NF1: variants seen among roughly 807,000 people sequenced by gnomAD.
NF1 encodes the protein neurofibromin.
A neutral mutation model predicts 325.7 loss-of-function variants in NF1; 122 were observed. The ratio of observed to expected loss-of-function variants is 0.37; its 90% CI spans 0.32 to 0.44. The LOEUF (loss-of-function observed/expected upper bound fraction) is 0.44. NF1 is among the 20% of genes least tolerant of loss of function. The pLI is 1.00. For missense variants in NF1, 2,140 were observed against 3,415.4 expected (o/e 0.63, Z 9.31); for synonymous variants, 1,091 against 1,186.0 (o/e 0.92, Z 1.65).
intron 1 of NF1, among the ~76,000 whole-genome samples, chr17:31,120,336 G>A (rs936538223): frequency 2.7e-4 from 41 of 152,216 alleles, no homozygotes; most frequent in Admixed American, 2.5e-3. Context: ...TCCCTTGTAA[G>A]GTGTATTCCT....
chr17:31,164,725 T>C (rs1212345305), intron 4 of NF1, among the ~76,000 whole-genome samples: 1 of 152,182 alleles, frequency 6.6e-6, no homozygotes, highest in Non-Finnish European at 1.5e-5. Context: ...CTGCAATCTT[T>C]TTAATCAACA....
At chr17:31,176,255 G>A (rs966126969) in intron 5 of NF1, among the ~76,000 whole-genome samples, 1 of 152,136 alleles carries the variant, frequency 6.6e-6, no homozygotes, top group Non-Finnish European at 1.5e-5. Flanking sequence ...GTTTTGATTT[G>A]CATTTCTGTA....
intron 39 of NF1, among the ~76,000 whole-genome samples, chr17:31,333,935 T>C (rs1597838697): frequency 6.6e-6 from 1 of 152,338 alleles, no homozygotes; most frequent in East Asian, 1.9e-4. Flanking sequence ...CTTATAAATG[T>C]GAAGCTTTTT....
At chr17:31,318,138 A>C in intron 36 of NF1, 1 of 775,920 alleles carries the variant, frequency 1.3e-6, no homozygotes, top group Non-Finnish European at 2.0e-6. Context: ...CACAGTTTAA[A>C]TAATTAAGCA....
At chr17:31,167,557 C>G (rs1304977977) in intron 4 of NF1, among the ~76,000 whole-genome samples, 1 of 152,170 alleles carries the variant, frequency 6.6e-6, no homozygotes. Flanking sequence ...CACCATATCT[C>G]TATTGCTGCA....
At chr17:31,113,493 C>T (rs1913609727) in intron 1 of NF1, among the ~76,000 whole-genome samples, 1 of 151,988 alleles carries the variant, frequency 6.6e-6, no homozygotes, top group African/African-American at 2.4e-5. Context: ...GTCCTCTCGC[C>T]TCGGCTTCCC....
At chr17:31,266,362 C>A (rs2067788281) in intron 36 of NF1, among the ~76,000 whole-genome samples, 2 of 152,014 alleles carry the variant, frequency 1.3e-5, no homozygotes. Context: ...GCCTTAAGAC[C>A]AAGAAGTCCA....
intron 36 of NF1, among the ~76,000 whole-genome samples, chr17:31,280,050 C>T (rs2068086948): frequency 6.6e-6 from 1 of 152,110 alleles, no homozygotes; most frequent in African/African-American, 2.4e-5. Context: ...TTAAGTCTTA[C>T]TGATTCTGCT....
chr17:31,182,695 T>C (rs1032617608), intron 8 of NF1, 30 bp downstream of exon 8: 2 of 1,599,684 alleles, frequency 1.3e-6, no homozygotes, highest in Non-Finnish European at 1.7e-6. Context: ...TTCCATTATA[T>C]CTAGATGTGA....
intron 5 of NF1, among the ~76,000 whole-genome samples, chr17:31,175,368 T>G (rs1197693500): frequency 1.3e-5 from 1 of 76,200 alleles, no homozygotes; most frequent in African/African-American, 3.6e-5. Context: ...TTTTTTTTTT[T>G]GGACAGAGTC....
At chr17:31,236,961 C>A (rs1303040649) in intron 29 of NF1, among the ~76,000 whole-genome samples, 1 of 152,020 alleles carries the variant, frequency 6.6e-6, no homozygotes, top group Non-Finnish European at 1.5e-5. Flanking sequence ...ATGGTGTCTG[C>A]CTTATAGTGA....
intron 47 of NF1, among the ~76,000 whole-genome samples, chr17:31,340,888 C>G (rs2069806408): frequency 6.9e-6 from 1 of 143,960 alleles, no homozygotes; most frequent in South Asian, 2.2e-4. Context: ...TGGCCTAATA[C>G]TAGTAGAATT....
At chr17:31,279,734 C>T (rs199574864) in intron 36 of NF1, among the ~76,000 whole-genome samples, 1 of 152,128 alleles carries the variant, frequency 6.6e-6, no homozygotes, top group Non-Finnish European at 1.5e-5. Context: ...AGTAAAATCT[C>T]AGCCTCTTCA....
chr17:31,249,991 T>C (rs1597736143), intron 30 of NF1: 3 of 494,762 alleles, frequency 6.1e-6, no homozygotes, highest in South Asian at 4.6e-5. Context: ...GCACACGGCT[T>C]CAGTTGCTTA....
Position 31,201,501 on chromosome 17 carries a change from A to G in NF1, c.1260+16A>G, listed in dbSNP as rs2066529931. 5.0e-6 allele frequency: 8 copies of G among 1,587,534 alleles called. No individual in the cohort carries two copies. The highest frequency in any genetic ancestry group is 6.9e-6 in the Non-Finnish European group (8 of 1,159,302). The stretch of plus-strand genomic sequence containing the variant: ...CATCACCAATGTAAGTCCAAAAGGT[A>G]TTGCTAAATTACTAAAAAAATTTTT... On this transcript the variant is annotated intron_variant, in intron 11 of 57. Coordinates refer to ENST00000358273, the MANE Select transcript of NF1 (RefSeq NM_001042492.3).
chr17:31,308,294 C>T (rs1019593040), intron 36 of NF1, among the ~76,000 whole-genome samples: 2 of 151,976 alleles, frequency 1.3e-5, no homozygotes, highest in Admixed American at 6.6e-5. Context: ...GCATACACTA[C>T]CACACCTGGC....
intron 1 of NF1, among the ~76,000 whole-genome samples, chr17:31,115,346 G>A (rs534510243): frequency 1.2e-4 from 18 of 152,254 alleles, no homozygotes; most frequent in African/African-American, 4.1e-4. Context: ...TGGAGGCAGT[G>A]GTCATGAGGT....
rs552994355 is a variant in NF1 at position 31,303,059 on chromosome 17, T to A, written c.4836-22761T>A. ...AAAATTCCTGTGTCCAAAACCCTACTGGTTCTTATTAAATATGGAGCTTTG... is the reference window on the plus strand; with the variant it reads ...AAAATTCCTGTGTCCAAAACCCTACAGGTTCTTATTAAATATGGAGCTTTG... On this transcript the variant is annotated intron_variant, in intron 36 of 57. Transcript: ENST00000358273. Among the ~76,000 whole-genome samples, 15 of 152,284 alleles carry A rather than the reference T, an allele frequency of 9.9e-5. 1 individual carries two copies. The South Asian group carries it at 3.1e-3, about 32-fold the overall frequency.
rs114805487 is a variant in NF1 at position 31,310,988 on chromosome 17, C to T, written c.4836-14832C>T. Among the ~76,000 whole-genome samples the T allele has an allele frequency of 8.8e-3, 1,327 of 150,178 alleles. 19 individuals are homozygous for T. Among genetic ancestry groups the T allele is most frequent in the African/African-American group, 0.031 (1,270 of 40,668 alleles). On this transcript the variant is annotated intron_variant, in intron 36 of 57. Transcript: ENST00000358273. ...TGGAGACAGGGTCTCACTCTGTCAC[C>T]CGGGTTGCAGTGCAGTGGTGCAATC...
Sources: gnomAD v4.1 joint callset for allele counts (sites outside exome capture counted in the v4.1 genomes callset) on GRCh38, gnomAD v4.1.1 for gene constraint, MANE v1.5 for transcripts, NCBI Gene and HGNC (gene_info 2026-07-23, HGNC 2026-07-21) for gene names.